SIRPG: variants seen among roughly 807,000 people sequenced by gnomAD.
SIRPG encodes the protein signal-regulatory protein gamma.
A neutral mutation model predicts 35.7 loss-of-function variants in SIRPG; 38 were observed. The ratio of observed to expected loss-of-function variants is 1.06; its 90% CI spans 0.82 to 1.40. The LOEUF (loss-of-function observed/expected upper bound fraction) is 1.40, where lower values mean the gene tolerates loss of function less well. Ranked by LOEUF, SIRPG falls within the 40% of genes most tolerant of loss-of-function variation. SIRPG has a pLI of 0.00. For synonymous variants in SIRPG, 215 were observed against 190.4 expected, an observed-to-expected ratio of 1.13 and a Z score of -1.06; for missense variants, 519 against 483.0, an observed-to-expected ratio of 1.07 and a Z score of -0.70.
At chr20:1,668,150 T>TTTTTC in the SIRPG span, among the ~76,000 whole-genome samples, 840 of 113,170 alleles carry the variant, frequency 7.4e-3, 7 homozygotes, top group African/African-American at 0.015. Context: ...TTCTTTTCTT[T>TTTTTC]TTTTCTTTTC....
At chr20:1,648,932 C>A (rs1775569060) in intron 2 of SIRPG, 120 bp downstream of exon 2, 6 of 935,074 alleles carry the variant, frequency 6.4e-6, no homozygotes, top group East Asian at 4.8e-5. Context: ...AAGGGGGTGA[C>A]AACAGGTCTT....
Position 1,635,610 on chromosome 20 carries a change from A to C in SIRPG, c.749-11T>G. ...CCAAGGTGGGTGGAACTGAAACAGCACAGGGTAGAAGCTCTGATCTTCTGG... is the reference window on the plus strand; with the variant it reads ...CCAAGGTGGGTGGAACTGAAACAGCCCAGGGTAGAAGCTCTGATCTTCTGG... On this transcript the variant is annotated splice_polypyrimidine_tract_variant and intron_variant, in intron 3 of 5. Coordinates refer to ENST00000303415, the MANE Select transcript of SIRPG (RefSeq NM_018556.4). The C allele has an allele frequency of 6.2e-7, 1 of 1,613,214 alleles. No individual in the cohort carries two copies. The highest frequency in any genetic ancestry group is 1.7e-5 in the Admixed American group (1 of 60,022).
At chr20:1,655,359 A>G (rs73082603) in intron 1 of SIRPG, among the ~76,000 whole-genome samples, 6,554 of 152,136 alleles carry the variant, frequency 0.043, 163 homozygotes, top group Middle Eastern at 0.058. Flanking sequence ...CAAAAAGGGA[A>G]ACCCTGTCAT....
At chr20:1,649,663 G>A (rs901515401) in intron 1 of SIRPG, among the ~76,000 whole-genome samples, 1 of 126,034 alleles carries the variant, frequency 7.9e-6, no homozygotes, top group African/African-American at 3.2e-5. Context: ...TTGAGAGAGG[G>A]TCCTGTTCTG....
intron 2 of SIRPG, among the ~76,000 whole-genome samples, chr20:1,644,264 C>T (rs551748819): frequency 2.6e-5 from 4 of 152,190 alleles, no homozygotes; most frequent in African/African-American, 9.6e-5. Flanking sequence ...GAGCCCCAGG[C>T]TGGAGTTGTT....
intron 2 of SIRPG, among the ~76,000 whole-genome samples, chr20:1,641,107 G>A (rs1353028207): frequency 6.6e-6 from 1 of 152,184 alleles, no homozygotes; most frequent in Non-Finnish European, 1.5e-5. Flanking sequence ...TTGGCATCAG[G>A]ATGATGCTGG....
At chr20:1,648,921 G>T in intron 2 of SIRPG, 131 bp downstream of exon 2, 1 of 840,464 alleles carries the variant, frequency 1.2e-6, no homozygotes, top group Non-Finnish European at 2.0e-6. Context: ...CTGATCTGTA[G>T]AAGGGGGTGA....
rs781363248 is a variant in SIRPG, at chr20:1,649,080, A to G, written c.402T>C (p.Ser134=). Residue 134 remains serine, a synonymous_variant, in exon 2 of 6, where the codon TCT becomes TCC. Transcript: ENST00000303415. ...CCAAAGCCATCTCAGTGCCTGGTCC[A>G]GACTTAAACTCCACGTTCTCAGGGC... ...KGSPENVEFK[S]GPGTEMALGA... 4.0e-5 allele frequency: 65 copies of G among 1,613,810 alleles called. No homozygotes were observed. Among genetic ancestry groups the G allele is most frequent in the Non-Finnish European group, 4.9e-5 (58 of 1,179,856 alleles).
chr20:1,639,014 C>G (rs1006011587), intron 2 of SIRPG, among the ~76,000 whole-genome samples: 1 of 152,164 alleles, frequency 6.6e-6, no homozygotes, highest in African/African-American at 2.4e-5. Flanking sequence ...TTTGTCCAGT[C>G]TATCACTGAT....
chr20:1,641,565 T>C (rs1399818602), intron 2 of SIRPG, among the ~76,000 whole-genome samples: 2 of 152,178 alleles, frequency 1.3e-5, no homozygotes, highest in African/African-American at 4.8e-5. Flanking sequence ...TCTGGATTCA[T>C]TGATTTTTTG....
chr20:1,635,058 TA>T (rs781383276), intron 4 of SIRPG, among the ~76,000 whole-genome samples: 2 of 149,518 alleles, frequency 1.3e-5, no homozygotes, highest in Non-Finnish European at 1.5e-5. Context: ...AAAAAAAAAT[TA>T]AACATATATT....
chr20:1,635,225 T>C, intron 4 of SIRPG, 42 bp downstream of exon 4: 1 of 1,495,326 alleles, frequency 6.7e-7, no homozygotes, highest in Non-Finnish European at 9.1e-7. Flanking sequence ...ACTTTTAAAA[T>C]GAGAGAAAAA....
chr20:1,630,421 C>T, intron 4 of SIRPG, 115 bp from the exon 5 acceptor site: 1 of 723,442 alleles, frequency 1.4e-6, no homozygotes. Flanking sequence ...CACCTTTGAA[C>T]CTGCATCCTG....
chr20:1,630,338 A>G, intron 4 of SIRPG, 32 bp from the exon 5 acceptor site: 1 of 1,522,952 alleles, frequency 6.6e-7, no homozygotes, highest in Non-Finnish European at 8.9e-7. Context: ...GGGCTATGAG[A>G]GAGACCACTT....
intron 4 of SIRPG, 190 bp from the exon 5 acceptor site, chr20:1,630,496 T>C (rs1044419812): frequency 7.1e-6 from 4 of 559,906 alleles, no homozygotes; most frequent in African/African-American, 5.8e-5. Flanking sequence ...TTCTCACTCA[T>C]CCTGTCCCAG....
rs141321155 is a variant in SIRPG, at chr20:1,634,636, G to A, written c.1081+631C>T. Reference sequence around the variant, plus strand: ...CAAAGCAGAGGTTAGAAAAAGTAGGGAGCACAAGGGTGGGCTGATGAGAAA... The same window carrying A: ...CAAAGCAGAGGTTAGAAAAAGTAGGAAGCACAAGGGTGGGCTGATGAGAAA... On this transcript the variant is annotated intron_variant, in intron 4 of 5. Coordinates refer to ENST00000303415, the MANE Select transcript of SIRPG (RefSeq NM_018556.4). 4.4e-3 allele frequency among the ~76,000 whole-genome samples: 676 copies of A among 152,276 alleles called. 7 individuals carry two copies. Among genetic ancestry groups the A allele is most frequent in the African/African-American group, 0.016 (649 of 41,546 alleles).
chr20:1,630,160 CT>C, intron 5 of SIRPG, 61 bp downstream of exon 5: 1 of 1,285,584 alleles, frequency 7.8e-7, no homozygotes. Context: ...TGGGCTGGGC[CT>C]TCCTGTTGGC....
intron 1 of SIRPG, chr20:1,651,167 A>G (rs538159282): frequency 6.6e-6 from 1 of 152,354 alleles, no homozygotes; most frequent in South Asian, 2.1e-4. Context: ...TCAAAGTTAT[A>G]TGAAGAAATA....
intron 4 of SIRPG, among the ~76,000 whole-genome samples, chr20:1,635,009 C>T (rs146994227): frequency 1.3e-5 from 2 of 151,192 alleles, no homozygotes; most frequent in Non-Finnish European, 2.9e-5. Context: ...CGCCACTGCA[C>T]TCCAGTCTGG....
Sources: allele counts gnomAD v4.1 joint callset (sites outside exome capture counted in the v4.1 genomes callset), GRCh38; gene constraint gnomAD v4.1.1; transcripts MANE v1.5; gene names NCBI Gene and HGNC (gene_info 2026-07-23, HGNC 2026-07-21).